Variants in CASD1 observed in about 807,000 individuals in gnomAD.
The protein encoded by CASD1 is N-acetylneuraminate (7)9-O-acetyltransferase.
CASD1 carries 41 observed loss-of-function variants against 100.0 expected under a neutral mutation model. That is an observed-to-expected ratio of 0.41 (90% CI 0.32 to 0.53). The LOEUF is 0.53. Among genes scored for constraint, CASD1 ranks in the 20% least tolerant of loss-of-function variants. CASD1 has a pLI of 0.25. For synonymous variants in CASD1, 321 were observed against 315.6 expected (o/e 1.02, Z -0.18); for missense variants, 774 against 948.7 (o/e 0.82, Z 2.42).
intron 1 of CASD1, 60 bp downstream of exon 1, chr7:94,510,277 G>A (rs1012216390): frequency 1.6e-6 from 2 of 1,265,266 alleles, no homozygotes; most frequent in Non-Finnish European, 2.1e-6. Context: ...CGCGGCGGCT[G>A]GAGGCCGCCC....
the CASD1 span, among the ~76,000 whole-genome samples, chr7:94,602,897 A>G: frequency 6.6e-6 from 1 of 152,076 alleles, no homozygotes; most frequent in Admixed American, 6.6e-5. Flanking sequence ...ATACTGCTTT[A>G]TTTTCAGATT....
At chr7:94,572,529 T>C in the CASD1 span, among the ~76,000 whole-genome samples, 1 of 152,232 alleles carries the variant, frequency 6.6e-6, no homozygotes, top group Admixed American at 6.5e-5. Flanking sequence ...ATGTGTTCTT[T>C]TGAAAAGTGT....
chr7:94,600,672 A>G, the CASD1 span: 1 of 1,613,684 alleles, frequency 6.2e-7, no homozygotes, highest in East Asian at 2.2e-5. Context: ...AGCACATGAT[A>G]TAAGCAAGTA....
At chr7:94,583,008 T>C in the CASD1 span, among the ~76,000 whole-genome samples, 3 of 152,226 alleles carry the variant, frequency 2.0e-5, no homozygotes. Flanking sequence ...GCTTAAAGGC[T>C]TTTATTCATC....
At chr7:94,525,086 G>A (rs933964787) in intron 3 of CASD1, among the ~76,000 whole-genome samples, 1 of 148,668 alleles carries the variant, frequency 6.7e-6, no homozygotes, top group Non-Finnish European at 1.5e-5. Context: ...CTTCTTTAAT[G>A]AACTTTCACA....
chr7:94,599,722 C>G, the CASD1 span: 1 of 1,602,152 alleles, frequency 6.2e-7, no homozygotes, highest in Non-Finnish European at 8.5e-7. Flanking sequence ...TTTCTCTTTT[C>G]CCTAGAAACA....
the CASD1 span, among the ~76,000 whole-genome samples, chr7:94,563,105 G>A: frequency 6.6e-6 from 1 of 152,118 alleles, no homozygotes; most frequent in Non-Finnish European, 1.5e-5. Context: ...GGGGGGTTCT[G>A]CTCTATGAAT....
At chr7:94,511,811 A>G (rs1311518102) in intron 1 of CASD1, among the ~76,000 whole-genome samples, 1 of 152,048 alleles carries the variant, frequency 6.6e-6, no homozygotes, top group African/African-American at 2.4e-5. Context: ...GACTACTATT[A>G]TTTTTAGATT....
At chr7:94,583,261 T>C in the CASD1 span, among the ~76,000 whole-genome samples, 1 of 152,230 alleles carries the variant, frequency 6.6e-6, no homozygotes, top group Non-Finnish European at 1.5e-5. Flanking sequence ...TACTTTGACC[T>C]AAATAAATGT....
At chr7:94,519,006 G>T (rs1177884838) in intron 3 of CASD1, among the ~76,000 whole-genome samples, 1 of 152,048 alleles carries the variant, frequency 6.6e-6, no homozygotes, top group African/African-American at 2.4e-5. Context: ...TAATTATGCT[G>T]CAAAATTATT....
Position 94,533,812 on chromosome 7 carries a change from G to A in CASD1, c.628+10G>A, listed in dbSNP as rs1794974132. The A allele has an allele frequency of 6.5e-7, 1 of 1,536,468 alleles. No individual in the cohort carries two copies. The highest frequency in any genetic ancestry group is 1.3e-5 in the South Asian group (1 of 77,250). The stretch of plus-strand genomic sequence containing the variant: ...TATTGGGTCTTACAAGGTAAGGAAT[G>A]AGTAATGAAAAAATGTCACTTTGTG... On this transcript the variant is annotated intron_variant, in intron 7 of 17. Transcript: ENST00000297273.
At chr7:94,520,689 G>C (rs1794214695) in intron 3 of CASD1, among the ~76,000 whole-genome samples, 1 of 152,222 alleles carries the variant, frequency 6.6e-6, no homozygotes, top group East Asian at 1.9e-4. Context: ...TGGGTGTGGT[G>C]ACTCACGCCT....
chr7:94,623,440 T>C, the CASD1 span: 2 of 1,239,844 alleles, frequency 1.6e-6, no homozygotes, highest in East Asian at 2.4e-5. Context: ...GAAATGTTCT[T>C]TGTAAAATGA....
At position 94,517,479 on chromosome 7, in the gene CASD1, A is replaced by G. The variant is rs17166329; in HGVS notation, c.134-81A>G. 0.095 allele frequency: 76,103 copies of G among 799,750 alleles called. 4,851 individuals are homozygous for G. The highest frequency in any genetic ancestry group is 0.24 in the East Asian group (9,433 of 39,198). The allele number at this position is 799,750 out of a possible 1,614,324, so 49.5% of individuals were successfully genotyped here. A position where few individuals can be genotyped will look rare whatever the true frequency, so the allele number is the denominator to read the frequency against. Reference sequence around the variant, plus strand: ...GAGAAAACTCTACTTTTTTATTTCAAGGAACTTATATAGGGTCAAGATAGC... The same window carrying G: ...GAGAAAACTCTACTTTTTTATTTCAGGGAACTTATATAGGGTCAAGATAGC... On this transcript the variant is annotated intron_variant, in intron 1 of 17. Transcript: ENST00000297273.
chr7:94,559,428 A>G (rs892939307), downstream of CASD1, among the ~76,000 whole-genome samples: 1 of 152,040 alleles, frequency 6.6e-6, no homozygotes, highest in Non-Finnish European at 1.5e-5. Context: ...ATGAAATGGA[A>G]TAAAATACCC....
the CASD1 span, among the ~76,000 whole-genome samples, chr7:94,610,424 G>A: frequency 3.5e-4 from 53 of 152,164 alleles, no homozygotes; most frequent in Non-Finnish European, 5.0e-4. Flanking sequence ...GGTGGGGGAT[G>A]TTGATAATGG....
chr7:94,513,800 TTTATG>T (rs1160838961), intron 1 of CASD1, among the ~76,000 whole-genome samples: 1 of 152,232 alleles, frequency 6.6e-6, no homozygotes, highest in East Asian at 1.9e-4. Flanking sequence ...CTTATTTCCT[TTTATG>T]TTCTTTTGTG....
chr7:94,623,848 G>C, the CASD1 span: 1 of 357,064 alleles, frequency 2.8e-6, no homozygotes, highest in Non-Finnish European at 5.0e-6. Flanking sequence ...GTACTAAACT[G>C]CACCCCAATC....
the CASD1 span, chr7:94,585,607 T>C: frequency 2.6e-5 from 22 of 837,994 alleles, no homozygotes; most frequent in African/African-American, 3.2e-4. Flanking sequence ...AAGGAGAAAG[T>C]TTCCATCTTC....
Sources: gnomAD v4.1 joint callset for allele counts (sites outside exome capture counted in the v4.1 genomes callset) on GRCh38, gnomAD v4.1.1 for gene constraint, MANE v1.5 for transcripts, NCBI Gene and HGNC (gene_info 2026-07-23, HGNC 2026-07-21) for gene names.